MORC1: variants seen among roughly 807,000 people sequenced by gnomAD.
MORC1 encodes MORC family CW-type zinc finger 1, also known as MORC family CW-type zinc finger protein 1.
A neutral mutation model predicts 134.9 loss-of-function variants in MORC1; 59 were observed. The ratio of observed to expected loss-of-function variants is 0.44; its 90% confidence interval spans 0.35 to 0.54. The LOEUF is 0.54. Ranked by LOEUF, MORC1 falls within the 20% of genes least tolerant of loss-of-function variation. The pLI, the probability that MORC1 is intolerant of heterozygous loss-of-function variation, is 0.00. For missense variants in MORC1, 947 were observed against 1,134.5 expected (o/e 0.83, Z 2.37); for synonymous variants, 395 against 391.7 (o/e 1.01, Z -0.10).
chr3:108,975,648 G>A (rs1398193874), intron 24 of MORC1, among the ~76,000 whole-genome samples: 1 of 152,100 alleles, frequency 6.6e-6, no homozygotes, highest in East Asian at 1.9e-4. Flanking sequence ...CTGCAAAATG[G>A]TGATAATAAA....
At chr3:109,084,141 T>C (rs1487277593) in intron 8 of MORC1, among the ~76,000 whole-genome samples, 1 of 152,166 alleles carries the variant, frequency 6.6e-6, no homozygotes, top group African/African-American at 2.4e-5. Context: ...TTCATAATAC[T>C]GAAAGTTCTG....
At chr3:109,092,569 A>T (rs923795117) in intron 8 of MORC1, among the ~76,000 whole-genome samples, 3 of 151,466 alleles carry the variant, frequency 2.0e-5, no homozygotes, top group Non-Finnish European at 2.9e-5. Context: ...CTTTGGATTT[A>T]AAAAAAAATA....
intron 8 of MORC1, among the ~76,000 whole-genome samples, chr3:109,085,546 A>ATCGCTTG (rs1950600904): frequency 6.6e-6 from 1 of 152,128 alleles, no homozygotes; most frequent in African/African-American, 2.4e-5. Context: ...ATGTAAACCA[A>ATCGCTTG]AACCACAATG....
At chr3:109,092,410 AAAG>A (rs913087973) in intron 8 of MORC1, among the ~76,000 whole-genome samples, 2 of 152,186 alleles carry the variant, frequency 1.3e-5, no homozygotes, top group African/African-American at 4.8e-5. Context: ...GGGAAAAGCA[AAAG>A]AAGTTCTCTG....
Position 109,054,898 on chromosome 3 carries a change from C to T in MORC1, c.1176-16G>A. The T allele has an allele frequency of 2.5e-5, 39 of 1,575,330 alleles. No individual in the cohort carries two copies. Among genetic ancestry groups the T allele is most frequent in the Non-Finnish European group, 3.3e-5 (38 of 1,168,970 alleles). On this transcript the variant is annotated splice_polypyrimidine_tract_variant and intron_variant, in intron 13 of 27. Transcript: ENST00000232603. ...TGCGCCAAGTCTGAGAAAATATATG[C>T]ATATTTAAATTTTGAAAATTTGGCT... is the stretch of plus-strand genomic sequence containing the variant.
chr3:109,080,018 C>T (rs2107731029), intron 8 of MORC1, among the ~76,000 whole-genome samples: 1 of 152,262 alleles, frequency 6.6e-6, no homozygotes, highest in South Asian at 2.1e-4. Flanking sequence ...ATCACTTAAT[C>T]TTCTCAACAA....
At chr3:109,002,283 G>C (rs7639571) in intron 20 of MORC1, among the ~76,000 whole-genome samples, 4,768 of 152,248 alleles carry the variant, frequency 0.031, 234 homozygotes, top group African/African-American at 0.11. Flanking sequence ...GCACTAGATG[G>C]AACAATGCTT....
chr3:109,015,288 C>A (rs561630159), intron 17 of MORC1, among the ~76,000 whole-genome samples: 3 of 152,288 alleles, frequency 2.0e-5, no homozygotes, highest in Admixed American at 6.5e-5. Context: ...AAGAACACAG[C>A]AAGAGATAGG....
chr3:109,000,796 C>A lies in MORC1; in HGVS notation c.2086-138G>T, dbSNP rs61024957. The A allele has an allele frequency of 4.9e-3, 3,019 of 618,894 alleles. 18 individuals are homozygous for A. Among genetic ancestry groups the A allele is most frequent in the African/African-American group, 0.015 (833 of 54,318 alleles). The allele number at this position is 618,894 out of a possible 1,614,324, so 38.3% of individuals were successfully genotyped here. On this transcript the variant is annotated intron_variant, in intron 20 of 27. Transcript: ENST00000232603. ...ATATAGCGAAAATTCAATTTCCGAT[C>A]TTTGTGTATGATAAGCGCTTGATAA...
At chr3:109,074,587 T>C (rs754147240) in intron 8 of MORC1, among the ~76,000 whole-genome samples, 14 of 152,212 alleles carry the variant, frequency 9.2e-5, no homozygotes, top group Non-Finnish European at 1.9e-4. Flanking sequence ...AGATCTCCAA[T>C]GATCTTTAAG....
At chr3:109,106,524 G>A (rs540932974) in intron 3 of MORC1, among the ~76,000 whole-genome samples, 1 of 152,150 alleles carries the variant, frequency 6.6e-6, no homozygotes, top group African/African-American at 2.4e-5. Context: ...AATTACGCGT[G>A]TCCAAAACAA....
intron 13 of MORC1, 69 bp from the exon 14 acceptor site, chr3:109,054,951 C>T (rs1033891350): frequency 3.2e-5 from 42 of 1,318,236 alleles, no homozygotes; most frequent in Non-Finnish European, 4.4e-5. Context: ...ATATTCTGGT[C>T]ATTTGAAATC....
chr3:109,088,793 A>G (rs1950662572), intron 8 of MORC1, among the ~76,000 whole-genome samples: 1 of 152,162 alleles, frequency 6.6e-6, no homozygotes, highest in South Asian at 2.1e-4. Context: ...TTACTATATC[A>G]CAATAGCAAA....
intron 8 of MORC1, among the ~76,000 whole-genome samples, chr3:109,075,709 G>C (rs578165328): frequency 1.3e-5 from 2 of 152,242 alleles, no homozygotes; most frequent in Non-Finnish European, 2.9e-5. Context: ...TAGCCTTGTA[G>C]TATAGTTTGA....
chr3:109,066,231 T>G (rs943949100), intron 9 of MORC1, among the ~76,000 whole-genome samples: 1 of 152,146 alleles, frequency 6.6e-6, no homozygotes, highest in African/African-American at 2.4e-5. Flanking sequence ...TTACATGTTG[T>G]TTTTCCTCCC....
chr3:108,962,221 C>T (rs555108203), intron 27 of MORC1, among the ~76,000 whole-genome samples: 2 of 151,712 alleles, frequency 1.3e-5, no homozygotes, highest in Non-Finnish European at 2.9e-5. Flanking sequence ...TAACTGTTGC[C>T]TAGACCATCA....
At chr3:109,004,110 T>C (rs1411507864) in intron 20 of MORC1, among the ~76,000 whole-genome samples, 1 of 152,146 alleles carries the variant, frequency 6.6e-6, no homozygotes, top group Non-Finnish European at 1.5e-5. Context: ...TAATTCCTTT[T>C]GAAAAGACCA....
At chr3:109,010,286 T>C (rs1173684031) in intron 17 of MORC1, among the ~76,000 whole-genome samples, 2 of 152,216 alleles carry the variant, frequency 1.3e-5, no homozygotes, top group Non-Finnish European at 2.9e-5. Flanking sequence ...AATGATAATT[T>C]GCCTTGTGTT....
intron 21 of MORC1, among the ~76,000 whole-genome samples, chr3:108,996,084 C>T (rs1314611079): frequency 6.6e-6 from 1 of 152,098 alleles, no homozygotes; most frequent in Non-Finnish European, 1.5e-5. Context: ...TACTTCCTGG[C>T]AGTGTGACCT....
Sources: gnomAD v4.1 joint callset for allele counts (sites outside exome capture counted in the v4.1 genomes callset) on GRCh38, gnomAD v4.1.1 for gene constraint, MANE v1.5 for transcripts, NCBI Gene and HGNC (gene_info 2026-07-23, HGNC 2026-07-21) for gene names.